The following ROCK2 variants were observed in gnomAD, a reference collection of about 807,000 sequenced individuals.
ROCK2 encodes the protein Rho associated coiled-coil containing protein kinase 2.
In ROCK2, 61 loss-of-function variants were observed where a neutral mutation model predicts 195.1. That is an observed-to-expected ratio of 0.31 (90% CI 0.25 to 0.39). The LOEUF (loss-of-function observed/expected upper bound fraction) is 0.39. Ranked by LOEUF, ROCK2 falls within the 10% of genes least tolerant of loss-of-function variation. The probability of loss-of-function intolerance (pLI) is 1.00; values close to 1 mark genes in which losing one functional copy is unlikely to be tolerated. For synonymous variants in ROCK2, 504 were observed against 545.5 expected (o/e 0.92, Z 1.06); for missense variants, 1,109 against 1,637.4 (o/e 0.68, Z 5.57).
intron 3 of ROCK2, among the ~76,000 whole-genome samples, chr2:11,280,789 G>T (rs1173350299): frequency 1.3e-5 from 2 of 152,114 alleles, no homozygotes; most frequent in Non-Finnish European, 2.9e-5. Context: ...TTCCAAAACA[G>T]AAAGCATGAG....
At chr2:11,297,773 T>C (rs1296070856) in intron 1 of ROCK2, among the ~76,000 whole-genome samples, 1 of 152,202 alleles carries the variant, frequency 6.6e-6, no homozygotes, top group Non-Finnish European at 1.5e-5. Flanking sequence ...AGGTCAGCCA[T>C]GTGGAGGACA....
chr2:11,296,873 T>C (rs1490755487), intron 1 of ROCK2, among the ~76,000 whole-genome samples: 1 of 152,170 alleles, frequency 6.6e-6, no homozygotes, highest in Non-Finnish European at 1.5e-5. Context: ...CTAGTCACTG[T>C]AACTCCTTTT....
At chr2:11,216,064 G>A (rs726843) in intron 13 of ROCK2, 94 bp downstream of exon 13, 429,276 of 941,566 alleles carry the variant, frequency 0.46, 102,373 homozygotes, top group Admixed American at 0.54. Flanking sequence ...TTCAAGGCAC[G>A]TATTACTATG....
At chr2:11,263,614 A>AAG (rs1212262710) in intron 3 of ROCK2, among the ~76,000 whole-genome samples, 1 of 149,238 alleles carries the variant, frequency 6.7e-6, no homozygotes, top group African/African-American at 2.5e-5. Flanking sequence ...TAAAAAAAAA[A>AAG]AAGAAATCAA....
At chr2:11,303,493 C>T (rs1181036251) in intron 1 of ROCK2, among the ~76,000 whole-genome samples, 1 of 152,138 alleles carries the variant, frequency 6.6e-6, no homozygotes, top group East Asian at 1.9e-4. Flanking sequence ...ATCTCCCATT[C>T]CCTCTTGCTC....
intron 4 of ROCK2, among the ~76,000 whole-genome samples, chr2:11,244,684 CAG>C: frequency 6.6e-6 from 1 of 151,556 alleles, no homozygotes; most frequent in South Asian, 2.1e-4. Flanking sequence ...TGTTTGTGCC[CAG>C]GAGTTTGAGG....
intron 30 of ROCK2, among the ~76,000 whole-genome samples, chr2:11,193,217 C>A (rs1663499996): frequency 6.6e-6 from 1 of 151,962 alleles, no homozygotes; most frequent in Admixed American, 6.6e-5. Context: ...TATTAAACTC[C>A]AAATAAACAT....
chr2:11,198,868 A>G lies in ROCK2; in HGVS notation c.2911-94T>C, dbSNP rs1293359146. On this transcript the variant is annotated intron_variant, in intron 23 of 32. Coordinates refer to ENST00000315872, the MANE Select transcript of ROCK2 (RefSeq NM_004850.5). ...ATGAGAAACATCCTAGAATATTGTT[A>G]AACCTCTTATTTTTCTTTTTTTTTT... is the stretch of plus-strand genomic sequence containing the variant. 5.3e-6 allele frequency: 4 copies of G among 758,862 alleles called. 1 individual carries two copies. Among genetic ancestry groups the G allele is most frequent in the Non-Finnish European group, 8.3e-6 (4 of 479,208 alleles). The allele number at this position is 758,862 out of a possible 1,614,324, so 47.0% of individuals were successfully genotyped here. A position where few individuals can be genotyped will look rare whatever the true frequency, so the allele number is the denominator to read the frequency against.
intron 4 of ROCK2, among the ~76,000 whole-genome samples, chr2:11,248,854 T>A (rs1015852199): frequency 6.6e-6 from 1 of 151,916 alleles, no homozygotes; most frequent in Non-Finnish European, 1.5e-5. Context: ...GGAAGTTTTT[T>A]GTTGTTTTTT....
At position 11,344,425 on chromosome 2, in the gene ROCK2, G is replaced by A. The variant is rs1669220128; in HGVS notation, c.-289C>T. On this transcript the variant is annotated 5_prime_UTR_variant, in exon 1 of 33. Transcript: ENST00000315872. The surrounding 1 kb of genome is among the most constrained non-coding windows in gnomAD (Gnocchi z 5.4). ...CGCGCCGCCGGTCCGCTGGTCCTCA[G>A]CGAGTGCCCGCAGGAGTCCTCGGGC... is the stretch of plus-strand genomic sequence containing the variant. 1.9e-6 allele frequency: 2 copies of A among 1,060,928 alleles called. No homozygotes were observed. The highest frequency in any genetic ancestry group is 2.3e-6 in the Non-Finnish European group (2 of 879,722). The allele number at this position is 1,060,928 out of a possible 1,614,324, so 65.7% of individuals were successfully genotyped here.
intron 5 of ROCK2, among the ~76,000 whole-genome samples, chr2:11,232,580 ACT>A (rs1172708688): frequency 1.1e-4 from 16 of 151,986 alleles, no homozygotes; most frequent in Admixed American, 8.5e-4. Context: ...TTAATAAAAA[ACT>A]CTTTTGTTCT....
chr2:11,213,311 A>G (rs1411041018), intron 17 of ROCK2, among the ~76,000 whole-genome samples: 1 of 152,186 alleles, frequency 6.6e-6, no homozygotes, highest in Admixed American at 6.5e-5. Context: ...TTAAGTGGCT[A>G]GCCCATTACT....
chr2:11,250,459 A>G (rs1665790888), intron 3 of ROCK2, among the ~76,000 whole-genome samples: 1 of 152,230 alleles, frequency 6.6e-6, no homozygotes, highest in Admixed American at 6.5e-5. Context: ...CAAATTGTTC[A>G]CCAGAGAGCC....
chr2:11,273,637 C>T (rs1666725066), intron 3 of ROCK2, among the ~76,000 whole-genome samples: 1 of 152,090 alleles, frequency 6.6e-6, no homozygotes, highest in Non-Finnish European at 1.5e-5. Context: ...AATAAACTAA[C>T]TAGATCTTAG....
At position 11,323,902 on chromosome 2, in the gene ROCK2, C is replaced by G. The variant is rs537387623; in HGVS notation, c.141+20094G>C. ...TATTCATTCTTGGTACTGCACATCC[C>G]ATGGGTTCACACAAATGTATAATAA... On this transcript the variant is annotated intron_variant, in intron 1 of 32. Transcript: ENST00000315872. 9.0e-4 allele frequency among the ~76,000 whole-genome samples: 137 copies of G among 152,310 alleles called. No individual in the cohort carries two copies. The South Asian group carries it at 0.01, about 11-fold the overall frequency.
At chr2:11,203,025 G>A (rs574452179) in intron 20 of ROCK2, among the ~76,000 whole-genome samples, 59 of 152,190 alleles carry the variant, frequency 3.9e-4, no homozygotes, top group African/African-American at 1.4e-3. Context: ...AACATGGATG[G>A]TGGCTGCACA....
intron 18 of ROCK2, among the ~76,000 whole-genome samples, chr2:11,209,808 T>TA (rs1664186009): frequency 6.6e-6 from 1 of 152,222 alleles, no homozygotes; most frequent in South Asian, 2.1e-4. Context: ...TATGAATATT[T>TA]AGTGTTTAAT....
chr2:11,239,564 T>C (rs568655197), intron 4 of ROCK2, among the ~76,000 whole-genome samples: 143 of 152,280 alleles, frequency 9.4e-4, no homozygotes, highest in African/African-American at 3.4e-3. Flanking sequence ...CAAAGACTAA[T>C]AAGCAAATAT....
intron 1 of ROCK2, among the ~76,000 whole-genome samples, chr2:11,330,659 C>G (rs781593164): frequency 3.5e-5 from 5 of 144,588 alleles, no homozygotes; most frequent in Non-Finnish European, 6.0e-5. Context: ...GCCTGGGTGA[C>G]AGAGACTGCG....
Sources: gnomAD v4.1 joint callset for allele counts (sites outside exome capture counted in the v4.1 genomes callset) on GRCh38, gnomAD v4.1.1 for gene constraint, Gnocchi (gnomAD v3.1) non-coding constraint, MANE v1.5 for transcripts, NCBI Gene and HGNC (gene_info 2026-07-23, HGNC 2026-07-21) for gene names.